The following ZNF831 variants were observed in gnomAD, a reference collection of about 807,000 sequenced individuals.
ZNF831 encodes the protein chromosome 20 open reading frame 174.
Under a neutral mutation model 95.8 loss-of-function variants are expected in ZNF831, and 59 were observed. That is an observed-to-expected ratio of 0.62 (90% CI 0.50 to 0.77). The LOEUF (loss-of-function observed/expected upper bound fraction) is 0.77, where lower values mean the gene tolerates loss of function less well. Among genes scored for constraint, ZNF831 ranks in the 30% least tolerant of loss-of-function variants. The probability of loss-of-function intolerance (pLI) is 0.00; values close to 1 mark genes in which losing one functional copy is unlikely to be tolerated. For missense variants in ZNF831, 2,205 were observed against 2,164.0 expected (o/e 1.02, Z -0.38); for synonymous variants, 961 against 925.5 (o/e 1.04, Z -0.70).
chr20:59,193,820 A>G lies in ZNF831; in HGVS notation c.2801A>G (p.Asp934Gly), dbSNP rs1171646779. 7.4e-6 allele frequency: 12 copies of G among 1,612,924 alleles called. No homozygotes were observed. The highest frequency in any genetic ancestry group is 1.0e-5 in the Non-Finnish European group (12 of 1,179,420). Residue 934 changes from aspartate (D) to glycine (G), a missense_variant, in exon 2 of 6, where the codon GAT becomes GGT. Physicochemically the swap from Asp to Gly is moderately conservative, Grantham distance 94 (BLOSUM62 -1). Coordinates refer to ENST00000371030, the MANE Select transcript of ZNF831 (RefSeq NM_178457.3). ...QAPRVLSALA[D>G]NAFSPKYLLR... ...CCTAGAGTGCTCTCTGCCCTGGCAG[A>G]TAATGCCTTTTCCCCCAAGTACCTC...
chr20:59,142,709 A>G (rs190010216), intron 1 of ZNF831, among the ~76,000 whole-genome samples: 117 of 152,300 alleles, frequency 7.7e-4, no homozygotes, highest in African/African-American at 2.6e-3. Context: ...CAAAAATTTC[A>G]TAGTGCTTTT....
At chr20:59,211,539 C>G (rs1359365212) in intron 4 of ZNF831, among the ~76,000 whole-genome samples, 1 of 152,204 alleles carries the variant, frequency 6.6e-6, no homozygotes, top group East Asian at 1.9e-4. Context: ...ATAAATACCA[C>G]TGGAAATCAA....
Position 59,215,586 on chromosome 20 carries a change from A to G in ZNF831, c.4027+8530A>G, listed in dbSNP as rs79201902. 8.2e-3 allele frequency among the ~76,000 whole-genome samples: 1,243 copies of G among 152,350 alleles called. 14 individuals carry two copies. The highest frequency in any genetic ancestry group is 0.029 in the African/African-American group (1,189 of 41,578). On this transcript the variant is annotated intron_variant, in intron 4 of 5. Transcript: ENST00000371030. ...AGTGACTTTTATCCTCTTTTGGCAG[A>G]TGGAGAAACTGAGGCTTAGAGAGTT...
chr20:59,191,407 C>G lies in ZNF831; in HGVS notation c.388C>G (p.Pro130Ala), dbSNP rs1322380441. ...GCCTGTCCTGTCGCCGGGCCTGGGCCCCACGCTGGGCAGCCCAGGCAAGGT... is the reference window on the plus strand; with the variant it reads ...GCCTGTCCTGTCGCCGGGCCTGGGCGCCACGCTGGGCAGCCCAGGCAAGGT... The part of the protein sequence containing the change: ...TLPVLSPGLG[P>A]TLGSPGKVRN... Residue 130 changes from proline (P) to alanine (A), a missense_variant, in exon 2 of 6, where the codon CCC becomes GCC. Pro to Ala is a conservative substitution (Grantham distance 27, BLOSUM62 -1). Coordinates refer to ENST00000371030, the MANE Select transcript of ZNF831 (RefSeq NM_178457.3). 1 of 1,610,982 alleles carries G rather than the reference C, an allele frequency of 6.2e-7. No individual in the cohort carries two copies. Among genetic ancestry groups the G allele is most frequent in the Admixed American group, 1.7e-5 (1 of 59,858 alleles).
At chr20:59,244,664 T>A (rs1987504237) in intron 4 of ZNF831, among the ~76,000 whole-genome samples, 1 of 152,238 alleles carries the variant, frequency 6.6e-6, no homozygotes, top group African/African-American at 2.4e-5. Flanking sequence ...TACATCTTTC[T>A]CCACTCATAA....
intron 3 of ZNF831, among the ~76,000 whole-genome samples, chr20:59,203,850 T>C (rs1984698470): frequency 6.6e-6 from 1 of 152,212 alleles, no homozygotes. Context: ...AGAAAATTCA[T>C]ACTCAGAAGC....
intron 4 of ZNF831, among the ~76,000 whole-genome samples, chr20:59,248,679 C>T (rs1236109926): frequency 6.6e-6 from 1 of 152,206 alleles, no homozygotes; most frequent in East Asian, 1.9e-4. Flanking sequence ...GTTGTTTTGT[C>T]ACTGTGGGGA....
At chr20:59,172,166 A>C (rs750394174) in intron 1 of ZNF831, among the ~76,000 whole-genome samples, 1 of 152,160 alleles carries the variant, frequency 6.6e-6, no homozygotes, top group Non-Finnish European at 1.5e-5. Flanking sequence ...GACTTTTCCT[A>C]TGATTTCCTA....
At chr20:59,130,353 G>A (rs1979311333) in intron 1 of ZNF831, among the ~76,000 whole-genome samples, 1 of 152,124 alleles carries the variant, frequency 6.6e-6, no homozygotes, top group African/African-American at 2.4e-5. Flanking sequence ...GCCATTGGAA[G>A]GTGTGAGGGT....
chr20:59,170,141 A>T (rs932307497), intron 1 of ZNF831, among the ~76,000 whole-genome samples: 1 of 152,018 alleles, frequency 6.6e-6, no homozygotes, highest in African/African-American at 2.4e-5. Context: ...ATAGCAGTTT[A>T]TTTTAAAACA....
intron 2 of ZNF831, among the ~76,000 whole-genome samples, chr20:59,150,990 C>T (rs1034411440): frequency 3.3e-5 from 5 of 152,186 alleles, no homozygotes; most frequent in Admixed American, 1.3e-4. Context: ...ACACTTGGCC[C>T]GCCTGCCCAG....
At chr20:59,239,741 C>G (rs1283484848) in intron 4 of ZNF831, among the ~76,000 whole-genome samples, 2 of 152,232 alleles carry the variant, frequency 1.3e-5, no homozygotes, top group South Asian at 2.1e-4. Context: ...GACAGCGTTT[C>G]ACCATGTTGG....
At chr20:59,218,069 C>G (rs563347451) in intron 4 of ZNF831, among the ~76,000 whole-genome samples, 15 of 152,334 alleles carry the variant, frequency 9.8e-5, no homozygotes, top group Admixed American at 7.8e-4. Flanking sequence ...CAGAGAAGCC[C>G]TGGCCTCCCA....
intron 1 of ZNF831, among the ~76,000 whole-genome samples, chr20:59,181,242 G>C (rs1267020986): frequency 1.3e-5 from 2 of 152,094 alleles, no homozygotes; most frequent in Non-Finnish European, 2.9e-5. Flanking sequence ...TTGTAAATTT[G>C]TCTAAGTTCC....
At chr20:59,201,530 A>T (rs986424095) in intron 3 of ZNF831, among the ~76,000 whole-genome samples, 3 of 152,158 alleles carry the variant, frequency 2.0e-5, no homozygotes, top group African/African-American at 2.4e-5. Context: ...GTCATAGTTT[A>T]AAAAAGTGTG....
intron 2 of ZNF831, among the ~76,000 whole-genome samples, chr20:59,152,764 C>A (rs1980319134): frequency 6.6e-6 from 1 of 152,032 alleles, no homozygotes; most frequent in Non-Finnish European, 1.5e-5. Flanking sequence ...GGGCCCCTGA[C>A]ATGGGCCAGC....
chr20:59,172,290 C>T (rs1350426406), intron 1 of ZNF831, among the ~76,000 whole-genome samples: 2 of 152,282 alleles, frequency 1.3e-5, no homozygotes, highest in African/African-American at 4.8e-5. Flanking sequence ...CCCTGTTGCT[C>T]CCGTGGCACG....
At chr20:59,124,180 G>A (rs1262880312) in intron 1 of ZNF831, among the ~76,000 whole-genome samples, 1 of 152,114 alleles carries the variant, frequency 6.6e-6, no homozygotes, top group Non-Finnish European at 1.5e-5. Flanking sequence ...TTTTCCCTCG[G>A]TTCTGAACGG....
intron 4 of ZNF831, among the ~76,000 whole-genome samples, chr20:59,219,978 A>G (rs1985971930): frequency 6.6e-6 from 1 of 152,190 alleles, no homozygotes; most frequent in African/African-American, 2.4e-5. Flanking sequence ...CATTTTAAAG[A>G]TAAATATGTG....
Sources: allele counts gnomAD v4.1 joint callset (sites outside exome capture counted in the v4.1 genomes callset), GRCh38; gene constraint gnomAD v4.1.1; transcripts MANE v1.5; gene names NCBI Gene and HGNC (gene_info 2026-07-23, HGNC 2026-07-21).